The following DNAAF5 variants were observed in gnomAD, a reference collection of about 807,000 sequenced individuals.
DNAAF5 encodes dynein axonemal assembly factor 5.
DNAAF5 carries 64 observed loss-of-function variants against 75.8 expected under a neutral mutation model. That is an observed-to-expected ratio of 0.84 (90% CI 0.69 to 1.04). The LOEUF is 1.04. Among genes scored for constraint, DNAAF5 ranks in the 50% least tolerant of loss-of-function variants. DNAAF5 has a pLI of 0.00. For missense variants in DNAAF5, 1,269 were observed against 1,178.5 expected, an observed-to-expected ratio of 1.08 and a Z score of -1.12; for synonymous variants, 657 against 557.2, an observed-to-expected ratio of 1.18 and a Z score of -2.52.
intron 5 of DNAAF5, 36 bp from the exon 6 acceptor site, chr7:756,745 GT>G: frequency 6.2e-6 from 10 of 1,600,970 alleles, no homozygotes; most frequent in Non-Finnish European, 8.5e-6. Flanking sequence ...AGACCCTCGG[GT>G]TTGGCTCTGA....
intron 4 of DNAAF5, among the ~76,000 whole-genome samples, chr7:748,521 C>T (rs959735414): frequency 3.9e-5 from 6 of 152,272 alleles, no homozygotes; most frequent in Non-Finnish European, 7.4e-5. Context: ...GGATGCAGGT[C>T]CCTCATCAGA....
intron 7 of DNAAF5, among the ~76,000 whole-genome samples, chr7:763,551 G>A (rs1455858085): frequency 6.6e-6 from 1 of 152,214 alleles, no homozygotes; most frequent in African/African-American, 2.4e-5. Flanking sequence ...GCATCCCAGT[G>A]TGCACAGTGC....
At chr7:785,425 C>A (rs1230996470) in intron 12 of DNAAF5, 92 bp from the exon 13 acceptor site, 1 of 1,427,330 alleles carries the variant, frequency 7.0e-7, no homozygotes, top group Non-Finnish European at 9.7e-7. Flanking sequence ...TTTACAGATG[C>A]TTGAACTTCA....
chr7:732,769 G>C (rs1456327985), intron 2 of DNAAF5, among the ~76,000 whole-genome samples: 1 of 152,158 alleles, frequency 6.6e-6, no homozygotes, highest in African/African-American at 2.4e-5. Flanking sequence ...GCAGCTGTTT[G>C]CTCCCATCCT....
chr7:776,272 G>A (rs1778758230), intron 11 of DNAAF5, among the ~76,000 whole-genome samples: 1 of 152,074 alleles, frequency 6.6e-6, no homozygotes, highest in Non-Finnish European at 1.5e-5. Flanking sequence ...GGAGGTGGAG[G>A]TTGCAGTGAG....
At chr7:780,965 CAG>C (rs1241986208) in intron 12 of DNAAF5, among the ~76,000 whole-genome samples, 1 of 151,858 alleles carries the variant, frequency 6.6e-6, no homozygotes, top group African/African-American at 2.4e-5. Flanking sequence ...TACAGGCATG[CAG>C]TGTGTGTAAA....
intron 2 of DNAAF5, among the ~76,000 whole-genome samples, chr7:739,897 C>G (rs757513117): frequency 6.6e-5 from 10 of 152,192 alleles, no homozygotes; most frequent in Non-Finnish European, 1.3e-4. Context: ...GCTCGGGTCC[C>G]CTGCACCTAC....
At chr7:765,343 G>A (rs775649770) in intron 8 of DNAAF5, among the ~76,000 whole-genome samples, 9 of 152,134 alleles carry the variant, frequency 5.9e-5, no homozygotes, top group South Asian at 2.1e-4. Flanking sequence ...CCTCTCCCAC[G>A]GGCCTCTTGG....
chr7:752,935 C>T (rs1439210657), intron 4 of DNAAF5, among the ~76,000 whole-genome samples: 5 of 152,168 alleles, frequency 3.3e-5, no homozygotes, highest in African/African-American at 9.7e-5. Context: ...GGAAGATAGG[C>T]GGCAAACAAG....
intron 9 of DNAAF5, among the ~76,000 whole-genome samples, chr7:773,465 T>G (rs1778640290): frequency 6.6e-6 from 1 of 152,064 alleles, no homozygotes; most frequent in Admixed American, 6.5e-5. Flanking sequence ...TTGACCTGAC[T>G]GGTCACCATC....
At chr7:731,924 C>T (rs1377421047) in intron 2 of DNAAF5, among the ~76,000 whole-genome samples, 1 of 152,292 alleles carries the variant, frequency 6.6e-6, no homozygotes, top group South Asian at 2.1e-4. Context: ...CCTCCACCCC[C>T]TCAACAACCC....
intron 2 of DNAAF5, among the ~76,000 whole-genome samples, chr7:739,267 C>G (rs1456854548): frequency 6.6e-6 from 1 of 152,228 alleles, no homozygotes; most frequent in Non-Finnish European, 1.5e-5. Context: ...CATCTCAGCA[C>G]ATGGCACTGG....
Position 774,111 on chromosome 7 carries a change from T to A in DNAAF5, c.1995T>A (p.His665Gln), listed in dbSNP as rs768081340. ...TCCTGGCCCCCAATCTGCAGTGGCA[T>A]GCGGGGAGGACAGCCGCGGCCATCC... ...KDILAPNLQWHAGRTAAAIRT... is the reference protein window; with the variant it reads ...KDILAPNLQWQAGRTAAAIRT... The change falls in exon 10 of 13, where the codon CAT becomes CAA. Residue 665 changes from histidine to glutamine, a missense_variant. By Grantham distance (24) the His-to-Gln change is conservative. Transcript: ENST00000297440. 1.1e-5 allele frequency: 17 copies of A among 1,613,516 alleles called. No individual in the cohort carries two copies. The highest frequency in any genetic ancestry group is 1.4e-5 in the Non-Finnish European group (17 of 1,179,988).
intron 8 of DNAAF5, among the ~76,000 whole-genome samples, chr7:769,378 C>T (rs972914333): frequency 6.6e-6 from 1 of 152,148 alleles, no homozygotes; most frequent in African/African-American, 2.4e-5. Context: ...TGTCCTTGCC[C>T]TGTCATTCAT....
At chr7:728,087 G>A (rs1781423533) in intron 1 of DNAAF5, among the ~76,000 whole-genome samples, 1 of 152,068 alleles carries the variant, frequency 6.6e-6, no homozygotes, top group Admixed American at 6.5e-5. Context: ...GAAGGAGGCC[G>A]CTTCTCCCCT....
At chr7:749,420 G>T (rs1161666313) in intron 4 of DNAAF5, among the ~76,000 whole-genome samples, 1 of 152,200 alleles carries the variant, frequency 6.6e-6, no homozygotes, top group East Asian at 1.9e-4. Flanking sequence ...TCTTCTTAAA[G>T]CCTGACTTAG....
intron 6 of DNAAF5, among the ~76,000 whole-genome samples, chr7:761,355 C>T (rs1342190058): frequency 8.5e-5 from 13 of 152,344 alleles, no homozygotes; most frequent in Admixed American, 2.6e-4. Context: ...GGGGCCGGAG[C>T]GGGAGCCCTG....
intron 12 of DNAAF5, among the ~76,000 whole-genome samples, chr7:782,958 G>C (rs1779023714): frequency 6.6e-6 from 1 of 152,280 alleles, no homozygotes; most frequent in South Asian, 2.1e-4. Flanking sequence ...TCGTCCTGGG[G>C]TGGCTGCTCT....
intron 1 of DNAAF5, among the ~76,000 whole-genome samples, chr7:729,451 G>C (rs967975973): frequency 1.3e-5 from 2 of 152,218 alleles, no homozygotes; most frequent in Non-Finnish European, 2.9e-5. Context: ...CATCAGGGTG[G>C]GACGCTTGTC....
Sources: allele counts gnomAD v4.1 joint callset (sites outside exome capture counted in the v4.1 genomes callset), GRCh38; gene constraint gnomAD v4.1.1; transcripts MANE v1.5; gene names NCBI Gene and HGNC (gene_info 2026-07-23, HGNC 2026-07-21).